The following CCDC17 variants were observed in gnomAD, a reference collection of about 807,000 sequenced individuals.
The protein encoded by CCDC17 is coiled-coil domain containing 17.
A neutral mutation model predicts 68.0 loss-of-function variants in CCDC17; 79 were observed. The ratio of observed to expected loss-of-function variants is 1.16; its 90% CI spans 0.97 to 1.40. The LOEUF is 1.40. CCDC17 is among the 40% of genes most tolerant of loss of function. The probability of loss-of-function intolerance (pLI) is 0.00; values close to 1 mark genes in which losing one functional copy is unlikely to be tolerated. For synonymous variants in CCDC17, 376 were observed against 337.5 expected (o/e 1.11, Z -1.25); for missense variants, 846 against 811.5 (o/e 1.04, Z -0.52).
At chr1:45,622,867 A>T in intron 4 of CCDC17, 33 bp from the exon 5 acceptor site, 3 of 1,578,818 alleles carry the variant, frequency 1.9e-6, no homozygotes, top group Non-Finnish European at 2.6e-6. Context: ...GGGAGACGGT[A>T]ACGCATCAGA....
chr1:45,622,929 C>T (rs1431210544), intron 4 of CCDC17, 26 bp downstream of exon 4: 2 of 1,588,480 alleles, frequency 1.3e-6, no homozygotes, highest in African/African-American at 1.3e-5. Context: ...CCGCATGTTC[C>T]GGGGATCCGC....
chr1:45,623,106 G>A lies in CCDC17; in HGVS notation c.505C>T (p.Arg169Cys). Reference sequence around the variant, plus strand: ...CGCGTACAGGCCACAACTTGGAGGCGTCGGCTCAGTTCTGAGGGAATGCGG... The same window carrying A: ...CGCGTACAGGCCACAACTTGGAGGCATCGGCTCAGTTCTGAGGGAATGCGG... ...LQLRGEELSR[R>C]LQVVACTRGG... The change falls in exon 4 of 13, where the codon CGC (arginine) becomes TGC (cysteine). Residue 169 changes from arginine to cysteine, a missense_variant. By Grantham distance (180) the Arg-to-Cys change is radical. Coordinates refer to ENST00000528266, the MANE Select transcript of CCDC17 (RefSeq NM_001114938.3). 1 of 1,569,364 alleles carries A rather than the reference G, an allele frequency of 6.4e-7. No homozygotes were observed. The highest frequency in any genetic ancestry group is 8.6e-7 in the Non-Finnish European group (1 of 1,157,692).
Position 45,623,797 on chromosome 1 carries a change from G to C in CCDC17, c.113C>G (p.Pro38Arg). The change falls in exon 1 of 13, where the codon CCG becomes CGG. Residue 38 changes from proline (P) to arginine (R), a missense_variant. Pro to Arg is a moderately radical substitution (Grantham distance 103). Transcript: ENST00000528266. ...TGCTCCAAATGTCATCTCTTGGGTC[G>C]GGTGGCCAATGCAGAAGCGCTGAGT... The part of the protein sequence containing the change: ...THTQRFCIGH[P>R]TQEMTFGAQA... The C allele has an allele frequency of 1.3e-6, 2 of 1,551,594 alleles. No homozygotes were observed. The highest frequency in any genetic ancestry group is 1.7e-6 in the Non-Finnish European group (2 of 1,146,924).
chr1:45,620,835 T>G lies in CCDC17; in HGVS notation c.1600-2A>C. 4 of 1,610,368 alleles carry G rather than the reference T, an allele frequency of 2.5e-6. No individual in the cohort carries two copies. The highest frequency in any genetic ancestry group is 3.4e-6 in the Non-Finnish European group (4 of 1,178,238). On this transcript the variant is annotated splice_acceptor_variant, in intron 11 of 12. Transcript: ENST00000528266. LOFTEE classifies it high-confidence loss of function. ...CAGAAAGAGCTCAGCCTGACCTGCC[T>G]GGGGAGAGATGAAATGGTATTGCAC...
chr1:45,623,553 C>A lies in CCDC17; in HGVS notation c.270+4G>T. 3.9e-6 allele frequency: 6 copies of A among 1,548,588 alleles called. No individual in the cohort carries two copies. The highest frequency in any genetic ancestry group is 5.2e-6 in the Non-Finnish European group (6 of 1,146,918). On this transcript the variant is annotated splice_donor_region_variant and intron_variant, in intron 2 of 12. Coordinates refer to ENST00000528266, the MANE Select transcript of CCDC17 (RefSeq NM_001114938.3). ...GAGCCCTGGGGGAAGGTAGGTAGCTCTACCTCCTCTGTTAACCTCTTTAGA... is the reference window on the plus strand; with the variant it reads ...GAGCCCTGGGGGAAGGTAGGTAGCTATACCTCCTCTGTTAACCTCTTTAGA...
rs759314054 is a variant in CCDC17, at chr1:45,623,383, G to A, written c.327C>T (p.Pro109=). 319 of 1,550,566 alleles carry A rather than the reference G, an allele frequency of 2.1e-4. No individual in the cohort carries two copies. The Middle Eastern group carries it at 5.0e-3, about 24-fold the overall frequency. The change falls in exon 3 of 13, where the codon CCC becomes CCT. Residue 109 remains proline (P), a synonymous_variant. Coordinates refer to ENST00000528266, the MANE Select transcript of CCDC17 (RefSeq NM_001114938.3). The part of the protein sequence containing the change: ...QEMRPWITEV[P]RVFAGPWTRS... ...GTGTCCAGGGCCCCGCGAACACCCT[G>A]GGGACCTCTGTTATCCAGGGCCGCA...
At chr1:45,620,696 T>C in intron 12 of CCDC17, 27 bp downstream of exon 12, 1 of 1,569,880 alleles carries the variant, frequency 6.4e-7, no homozygotes, top group Non-Finnish European at 8.6e-7. Flanking sequence ...GTAGCTGTGG[T>C]GTCCCTAGCT....
At chr1:45,620,524 T>A in intron 12 of CCDC17, 91 bp from the exon 13 acceptor site, 1 of 1,458,416 alleles carries the variant, frequency 6.9e-7, no homozygotes, top group East Asian at 2.5e-5. Context: ...AGAGTCTCAC[T>A]TACTGTGAAC....
intron 12 of CCDC17, 103 bp from the exon 13 acceptor site, chr1:45,620,536 A>G: frequency 6.8e-7 from 1 of 1,469,908 alleles, no homozygotes; most frequent in Non-Finnish European, 9.0e-7. Context: ...ACTGTGAACC[A>G]AGTTAACCTG....
chr1:45,623,596 C>T lies in CCDC17; in HGVS notation c.231G>A (p.Gln77=), dbSNP rs1413245936. The change falls in exon 2 of 13, where the codon CAG becomes CAA. Residue 77 remains glutamine (Q), a synonymous_variant. Transcript: ENST00000528266. ...TCTTTAGAGCAGATCTACTGGCCTG[C>T]TGGTCTGGGAGGCCCTGGGGTTCTT... ...VPQEPQGLPD[Q]QASRSALKRL... is the part of the protein sequence containing the mutation. 6.4e-7 allele frequency: 1 copy of T among 1,551,042 alleles called. No homozygotes were observed. Among genetic ancestry groups the T allele is most frequent in the Non-Finnish European group, 8.7e-7 (1 of 1,147,002 alleles).
chr1:45,621,687 AGT>A lies in CCDC17; in HGVS notation c.1133_1134del (p.His378LeufsTer15), dbSNP rs1420336423. ...TMTRNLGLDS[H>X]FLLPTSDMLG... The stretch of plus-strand genomic sequence containing the variant: ...AGCATGTCCGATGTGGGCAGGAGGA[AGT>A]GTGAGTCCAGGCCCAGGTTTCTGGT... On this transcript the variant is annotated frameshift_variant, in exon 9 of 13. Coordinates refer to ENST00000528266, the MANE Select transcript of CCDC17 (RefSeq NM_001114938.3). LOFTEE classifies it high-confidence loss of function. The A allele has an allele frequency of 6.2e-7, 1 of 1,613,734 alleles. No individual in the cohort carries two copies. The highest frequency in any genetic ancestry group is 1.3e-5 in the African/African-American group (1 of 74,904).
In CCDC17 at chr1:45,620,837, G is replaced by A; in HGVS notation, c.1600-4C>T. 6.2e-7 allele frequency: 1 copy of A among 1,610,330 alleles called. No individual in the cohort carries two copies. The highest frequency in any genetic ancestry group is 2.2e-5 in the East Asian group (1 of 44,760). On this transcript the variant is annotated splice_polypyrimidine_tract_variant and splice_region_variant and intron_variant, in intron 11 of 12. Coordinates refer to ENST00000528266, the MANE Select transcript of CCDC17 (RefSeq NM_001114938.3). Reference sequence around the variant, plus strand: ...GAAAGAGCTCAGCCTGACCTGCCTGGGGAGAGATGAAATGGTATTGCACTT... The same window carrying A: ...GAAAGAGCTCAGCCTGACCTGCCTGAGGAGAGATGAAATGGTATTGCACTT...
rs1644277382 is a variant in CCDC17 at position 45,621,940 on chromosome 1, T to G, written c.1023A>C (p.Arg341Ser). 8 of 1,610,028 alleles carry G rather than the reference T, an allele frequency of 5.0e-6. No individual in the cohort carries two copies. The highest frequency in any genetic ancestry group is 6.8e-6 in the Non-Finnish European group (8 of 1,178,828). The change falls in exon 8 of 13, where the codon AGA becomes AGC. Residue 341 changes from arginine to serine, a missense_variant. Coordinates refer to ENST00000528266, the MANE Select transcript of CCDC17 (RefSeq NM_001114938.3). ...CCGGTGGCGGGAGGAGTGGGGGATC[T>G]CTCCTCCCCTTCGGTTGTAGGCTGG... ...GDASLQPKGR[R>S]DPPLLPPPVA...
At chr1:45,620,676 A>G (rs1159645496) in intron 12 of CCDC17, 47 bp downstream of exon 12, 2 of 1,558,680 alleles carry the variant, frequency 1.3e-6, no homozygotes, top group South Asian at 1.2e-5. Context: ...TACCAGCCAC[A>G]CCGGTATGTG....
At chr1:45,620,519 C>T in intron 12 of CCDC17, 86 bp from the exon 13 acceptor site, 2 of 1,468,936 alleles carry the variant, frequency 1.4e-6, no homozygotes, top group Non-Finnish European at 1.8e-6. Flanking sequence ...TCCTTAGAGT[C>T]TCACTTACTG....
In CCDC17 at chr1:45,623,546, G is replaced by C; in HGVS notation, c.270+11C>G. 1 of 1,548,614 alleles carries C rather than the reference G, an allele frequency of 6.5e-7. No individual in the cohort carries two copies. Among genetic ancestry groups the C allele is most frequent in the Non-Finnish European group, 8.7e-7 (1 of 1,146,810 alleles). On this transcript the variant is annotated intron_variant, in intron 2 of 12. Transcript: ENST00000528266. ...ACGTTTTGAGCCCTGGGGGAAGGTAGGTAGCTCTACCTCCTCTGTTAACCT... is the reference window on the plus strand; with the variant it reads ...ACGTTTTGAGCCCTGGGGGAAGGTACGTAGCTCTACCTCCTCTGTTAACCT...
In CCDC17 at chr1:45,621,950, T is replaced by C. The variant is rs1333421932; in HGVS notation, c.1013A>G (p.Lys338Arg). The change falls in exon 8 of 13, where the codon AAG becomes AGG. Residue 338 changes from lysine to arginine, a missense_variant. By Grantham distance (26) the Lys-to-Arg change is conservative (BLOSUM62 2). Coordinates refer to ENST00000528266, the MANE Select transcript of CCDC17 (RefSeq NM_001114938.3). Reference protein sequence around the residue: ...RLLGDASLQPKGRRDPPLLPP... With the variant: ...RLLGDASLQPRGRRDPPLLPP... ...GAGGAGTGGGGGATCTCTCCTCCCC[T>C]TCGGTTGTAGGCTGGCATCCCCCAG... 6.2e-7 allele frequency: 1 copy of C among 1,610,448 alleles called. No homozygotes were observed. The highest frequency in any genetic ancestry group is 8.5e-7 in the Non-Finnish European group (1 of 1,178,950).
chr1:45,622,065 C>G, intron 7 of CCDC17, 70 bp from the exon 8 acceptor site: 1 of 1,475,842 alleles, frequency 6.8e-7, no homozygotes, highest in South Asian at 1.2e-5. Context: ...ACCCCTCCCC[C>G]AAGAGTTGGG....
Position 45,621,881 on chromosome 1 carries a change from G to T in CCDC17, c.1082C>A (p.Ser361Ter). ...TGCCCCACCCAAGAACTGAACCTCC[G>T]AGAAGCCTGGAAGTGGTGGCAGCGG... is the stretch of plus-strand genomic sequence containing the variant. ...APPLPPLPGF[S>*]EPQLPGTMTR... is the part of the protein sequence containing the mutation. The change falls in exon 8 of 13, where the codon TCG becomes TAG. Residue 361 changes from serine to a stop codon, truncating the protein, a stop_gained. Coordinates refer to ENST00000528266, the MANE Select transcript of CCDC17 (RefSeq NM_001114938.3). LOFTEE classifies it high-confidence loss of function. The T allele has an allele frequency of 6.2e-7, 1 of 1,600,576 alleles. No individual in the cohort carries two copies. Among genetic ancestry groups the T allele is most frequent in the South Asian group, 1.1e-5 (1 of 89,320 alleles).
Sources: gnomAD v4.1 joint callset for allele counts on GRCh38, gnomAD v4.1.1 for gene constraint, MANE v1.5 for transcripts, NCBI Gene and HGNC (gene_info 2026-07-23, HGNC 2026-07-21) for gene names.